The following TMTC2 variants were observed in gnomAD, a reference collection of about 807,000 sequenced individuals.
TMTC2 encodes transmembrane O-mannosyltransferase targeting cadherins 2, also known as protein O-mannosyl-transferase TMTC2.
TMTC2 carries 43 observed loss-of-function variants against 82.4 expected under a neutral mutation model. The ratio of observed to expected loss-of-function variants is 0.52; its 90% CI spans 0.41 to 0.67. The LOEUF (loss-of-function observed/expected upper bound fraction) is 0.67. Ranked by LOEUF, TMTC2 falls within the 30% of genes least tolerant of loss-of-function variation. The pLI, the probability that TMTC2 is intolerant of heterozygous loss-of-function variation, is 0.00. For synonymous variants in TMTC2, 408 were observed against 381.9 expected, an observed-to-expected ratio of 1.07 and a Z score of -0.80; for missense variants, 919 against 1,012.4, an observed-to-expected ratio of 0.91 and a Z score of 1.25.
intron 9 of TMTC2, among the ~76,000 whole-genome samples, chr12:83,042,965 C>T (rs979151507): frequency 6.6e-6 from 1 of 152,176 alleles, no homozygotes; most frequent in African/African-American, 2.4e-5. Flanking sequence ...TCACCAGCCA[C>T]CTGTTTTCTT....
chr12:82,887,531 C>T (rs889708924), intron 2 of TMTC2, among the ~76,000 whole-genome samples: 54 of 152,230 alleles, frequency 3.5e-4, no homozygotes, highest in Non-Finnish European at 1.3e-4. Context: ...ATAAATTTCA[C>T]ATTATTCATT....
intron 3 of TMTC2, among the ~76,000 whole-genome samples, chr12:82,920,462 C>A (rs1466498256): frequency 6.6e-6 from 1 of 152,108 alleles, no homozygotes; most frequent in African/African-American, 2.4e-5. Flanking sequence ...GTTCTTCTGC[C>A]TTTCAAAGAA....
chr12:82,740,317 C>G (rs1393304468), intron 1 of TMTC2, among the ~76,000 whole-genome samples: 2 of 152,214 alleles, frequency 1.3e-5, no homozygotes, highest in African/African-American at 2.4e-5. Flanking sequence ...TACTATGTAG[C>G]AGGCATTGTT....
chr12:82,805,403 T>C (rs759232488), intron 1 of TMTC2, among the ~76,000 whole-genome samples: 55 of 152,154 alleles, frequency 3.6e-4, no homozygotes, highest in Non-Finnish European at 6.0e-4. Context: ...AGAGAAGTTA[T>C]TATGTATTCC....
At chr12:83,004,167 G>T (rs1229518793) in intron 8 of TMTC2, among the ~76,000 whole-genome samples, 2 of 152,074 alleles carry the variant, frequency 1.3e-5, no homozygotes, top group Non-Finnish European at 2.9e-5. Context: ...TGTTGTTAAT[G>T]CCTCCAACCG....
At chr12:82,895,555 G>A (rs1291343279) in intron 2 of TMTC2, among the ~76,000 whole-genome samples, 1 of 151,934 alleles carries the variant, frequency 6.6e-6, no homozygotes, top group Non-Finnish European at 1.5e-5. Flanking sequence ...TTGAAGCTAT[G>A]ATTATTGGTA....
intron 1 of TMTC2, among the ~76,000 whole-genome samples, chr12:82,850,902 A>G (rs1451001045): frequency 1.3e-5 from 2 of 151,752 alleles, no homozygotes; most frequent in Non-Finnish European, 2.9e-5. Flanking sequence ...CATCTCTACT[A>G]AAAATACAAA....
intron 1 of TMTC2, among the ~76,000 whole-genome samples, chr12:82,762,153 G>T (rs1876683507): frequency 6.6e-6 from 1 of 151,852 alleles, no homozygotes; most frequent in South Asian, 2.1e-4. Flanking sequence ...TTTTTTAGTA[G>T]AGATGGGGTT....
intron 2 of TMTC2, among the ~76,000 whole-genome samples, chr12:82,884,287 T>G (rs1221480763): frequency 6.6e-6 from 1 of 152,188 alleles, no homozygotes; most frequent in Non-Finnish European, 1.5e-5. Flanking sequence ...CATCCTTTCT[T>G]GATACTTGCT....
At chr12:83,121,459 C>G (rs1884944867) in intron 11 of TMTC2, among the ~76,000 whole-genome samples, 1 of 152,160 alleles carries the variant, frequency 6.6e-6, no homozygotes, top group East Asian at 1.9e-4. Flanking sequence ...CTACCAGGCT[C>G]TGTGCTGGTA....
At chr12:82,961,402 T>C (rs1440428661) in intron 4 of TMTC2, among the ~76,000 whole-genome samples, 1 of 151,924 alleles carries the variant, frequency 6.6e-6, no homozygotes, top group African/African-American at 2.4e-5. Flanking sequence ...TTTCAGTGTA[T>C]CAACACAAAT....
At chr12:82,749,017 T>C (rs114747570) in intron 1 of TMTC2, among the ~76,000 whole-genome samples, 1,656 of 152,356 alleles carry the variant, frequency 0.011, 35 homozygotes, top group African/African-American at 0.038. Context: ...TAAAATGTTT[T>C]TAGTGGTAGT....
intron 1 of TMTC2, among the ~76,000 whole-genome samples, chr12:82,732,613 G>T (rs932754166): frequency 3.9e-5 from 6 of 152,172 alleles, no homozygotes; most frequent in African/African-American, 1.4e-4. Flanking sequence ...AAAGTGCTGG[G>T]ATTACAGGCA....
At chr12:83,059,770 C>T (rs1882675141) in intron 10 of TMTC2, among the ~76,000 whole-genome samples, 1 of 151,622 alleles carries the variant, frequency 6.6e-6, no homozygotes, top group South Asian at 2.1e-4. Flanking sequence ...ATGGATTCCC[C>T]AGTTTCTCTT....
intron 9 of TMTC2, among the ~76,000 whole-genome samples, chr12:83,038,253 G>A (rs1881748375): frequency 3.3e-5 from 5 of 151,712 alleles, no homozygotes; most frequent in South Asian, 4.2e-4. Flanking sequence ...TAACCTGCAC[G>A]TTGTGCACAT....
intron 11 of TMTC2, among the ~76,000 whole-genome samples, chr12:83,102,728 A>G (rs1884261034): frequency 6.6e-6 from 1 of 152,248 alleles, no homozygotes; most frequent in East Asian, 1.9e-4. Flanking sequence ...TGTATGTGTC[A>G]CTTCCTCTCT....
chr12:82,749,739 C>CTTTTTTT (rs71068950), intron 1 of TMTC2, among the ~76,000 whole-genome samples: 9 of 127,142 alleles, frequency 7.1e-5, no homozygotes, highest in African/African-American at 2.5e-4. Context: ...TTCTTTCTTT[C>CTTTTTTT]TTTTTTTTTT....
At chr12:82,930,373 T>C (rs1468642204) in intron 3 of TMTC2, 58 bp from the exon 4 acceptor site, 1 of 954,540 alleles carries the variant, frequency 1.0e-6, no homozygotes, top group Non-Finnish European at 1.6e-6. Context: ...GGCCTGATAT[T>C]ATGTCATGTA....
At chr12:82,853,820 T>C (rs1871113270) in intron 1 of TMTC2, among the ~76,000 whole-genome samples, 1 of 152,190 alleles carries the variant, frequency 6.6e-6, no homozygotes, top group South Asian at 2.1e-4. Flanking sequence ...GTTTCTGGAT[T>C]GATATTAGAG....
Sources: allele counts gnomAD v4.1 joint callset (sites outside exome capture counted in the v4.1 genomes callset), GRCh38; gene constraint gnomAD v4.1.1; transcripts MANE v1.5; gene names NCBI Gene and HGNC (gene_info 2026-07-23, HGNC 2026-07-21).